The following DNAH10 variants were observed in gnomAD, a reference collection of about 807,000 sequenced individuals.
The protein encoded by DNAH10 is axonemal beta dynein heavy chain 10.
A neutral mutation model predicts 506.6 loss-of-function variants in DNAH10; 348 were observed. The observed-to-expected ratio is 0.69, with a 90% CI of 0.63 to 0.75. The LOEUF is 0.75. Ranked by LOEUF, DNAH10 falls within the 30% of genes least tolerant of loss-of-function variation. The pLI is 0.00. For missense variants in DNAH10, 5,179 were observed against 5,787.1 expected (o/e 0.89, Z 3.41); for synonymous variants, 2,059 against 2,198.6 (o/e 0.94, Z 1.78).
intron 28 of DNAH10, among the ~76,000 whole-genome samples, chr12:123,836,682 A>G (rs1046757235): frequency 2.0e-5 from 3 of 152,194 alleles, no homozygotes; most frequent in African/African-American, 7.2e-5. Flanking sequence ...TAACTGTTTC[A>G]TATAATTGTT....
chr12:123,771,781 C>T, intron 3 of DNAH10, 83 bp downstream of exon 3: 2 of 1,124,248 alleles, frequency 1.8e-6, no homozygotes, highest in Non-Finnish European at 2.6e-6. Flanking sequence ...GACATAGCCC[C>T]ATCCAAGGGA....
chr12:123,846,177 T>G lies in DNAH10; in HGVS notation c.5814+23T>G. 18 of 1,602,262 alleles carry G rather than the reference T, an allele frequency of 1.1e-5. No individual in the cohort carries two copies. Among genetic ancestry groups the G allele is most frequent in the Non-Finnish European group, 1.5e-5 (18 of 1,173,352 alleles). ...CAGGTGACTGCCAGCCTGGCACTTG[T>G]GGTTACCACTTACCTTGGGGCGGGG... On this transcript the variant is annotated intron_variant, in intron 32 of 78. Coordinates refer to ENST00000673944, the MANE Select transcript of DNAH10 (RefSeq NM_001372106.1). This position sits in a 1 kb window ranked among gnomAD's most constrained non-coding sequence, Gnocchi z 4.5.
intron 24 of DNAH10, among the ~76,000 whole-genome samples, chr12:123,823,137 G>A (rs927040869): frequency 2.4e-4 from 37 of 152,232 alleles, no homozygotes; most frequent in African/African-American, 8.7e-4. Context: ...TGGGAGTGAG[G>A]CTCAGAACCA....
In DNAH10 at chr12:123,813,494, A is replaced by G. The variant is rs765708567; in HGVS notation, c.3475A>G (p.Ile1159Val). ...IAYEVMRHPL[I>V]KDEHCIRLQL... is the part of the protein sequence containing the mutation. ...TTATGAGGTTATGCGCCACCCTCTA[A>G]TTAAGGATGAGCATTGCATCAGACT... is the stretch of plus-strand genomic sequence containing the variant. The change falls in exon 20 of 79, where the codon ATT (isoleucine) becomes GTT (valine). Residue 1159 changes from isoleucine (I) to valine (V), a missense_variant. This residue lies in a region of DNAH10 where 4,844 missense variants were observed against 5,430.5 expected (regional missense o/e 0.89). Coordinates refer to ENST00000673944, the MANE Select transcript of DNAH10 (RefSeq NM_001372106.1). 1 of 1,614,230 alleles carries G rather than the reference A, an allele frequency of 6.2e-7. No individual in the cohort carries two copies. Among genetic ancestry groups the G allele is most frequent in the Non-Finnish European group, 8.5e-7 (1 of 1,180,046 alleles).
chr12:123,787,693 G>T lies in DNAH10; in HGVS notation c.1422-111G>T, dbSNP rs1372292520. On this transcript the variant is annotated intron_variant, in intron 9 of 78. Transcript: ENST00000673944. This position sits in a 1 kb window ranked among gnomAD's most constrained non-coding sequence, Gnocchi z 4.6. ...CTTTTCCGATGAGGCCGTGAAACCAGGGGGGGCGCCCGGGTCAGAGCTTCA... is the reference window on the plus strand; with the variant it reads ...CTTTTCCGATGAGGCCGTGAAACCATGGGGGGCGCCCGGGTCAGAGCTTCA... 5 of 1,323,232 alleles carry T rather than the reference G, an allele frequency of 3.8e-6. No individual in the cohort carries two copies. In the South Asian group the frequency reaches 6.5e-5, roughly 17 times the overall value. 82.0% of individuals were successfully genotyped at this position (1,323,232 alleles called of 1,614,324 possible).
rs869303760 is a variant in DNAH10 at position 123,926,237 on chromosome 12, TAAAAAAA to T, written c.11922-388_11922-382del. 2.8e-4 allele frequency among the ~76,000 whole-genome samples: 30 copies of T among 108,352 alleles called. No individual in the cohort carries two copies. The highest frequency in any genetic ancestry group is 6.8e-4 in the Admixed American group (7 of 10,264). 71.1% of individuals were successfully genotyped at this position (108,352 alleles called of 152,430 possible). The stretch of plus-strand genomic sequence containing the variant: ...CAGAGTGAGATTATATATTTCAATT[TAAAAAAA>T]AAAAAAAAAAAGAAAAAGAAAAAAC... On this transcript the variant is annotated intron_variant, in intron 68 of 78. Transcript: ENST00000673944. This position sits in a 1 kb window ranked among gnomAD's most constrained non-coding sequence, Gnocchi z 4.1.
At position 123,931,756 on chromosome 12, in the gene DNAH10, T is replaced by C; in HGVS notation, c.13037T>C (p.Leu4346Pro). The C allele has an allele frequency of 1.9e-6, 3 of 1,614,012 alleles. No homozygotes were observed. Among genetic ancestry groups the C allele is most frequent in the Non-Finnish European group, 2.5e-6 (3 of 1,179,892 alleles). Residue 4346 changes from leucine (L) to proline (P), a missense_variant, in exon 75 of 79, where the codon CTC (leucine) becomes CCC (proline). By Grantham distance (98) the Leu-to-Pro change is moderately conservative (BLOSUM62 -3). Transcript: ENST00000673944. ...DQVRKRLGTGLSPTSVVLLQE... is the reference protein window; with the variant it reads ...DQVRKRLGTGPSPTSVVLLQE... ...GTGAGGAAGCGCCTCGGAACAGGACTCTCCCCCACTTCGGTGGTGCTCCTG... is the reference window on the plus strand; with the variant it reads ...GTGAGGAAGCGCCTCGGAACAGGACCCTCCCCCACTTCGGTGGTGCTCCTG...
chr12:123,839,998 C>T (rs140718032), intron 29 of DNAH10, among the ~76,000 whole-genome samples: 58 of 152,256 alleles, frequency 3.8e-4, no homozygotes, highest in Non-Finnish European at 6.2e-4. Flanking sequence ...CTTTATCTAG[C>T]GTCAGCCTGG....
rs1954475697 is a variant in DNAH10, at chr12:123,916,317, T to C, written c.10723-140T>C. On this transcript the variant is annotated intron_variant, in intron 62 of 78. Coordinates refer to ENST00000673944, the MANE Select transcript of DNAH10 (RefSeq NM_001372106.1). This position sits in a 1 kb window ranked among gnomAD's most constrained non-coding sequence, Gnocchi z 4.6. Reference sequence around the variant, plus strand: ...CATGGTGTATATGCGTTATACCCCTTGCTTCTCTCTTCTTTTCACCTCTGG... The same window carrying C: ...CATGGTGTATATGCGTTATACCCCTCGCTTCTCTCTTCTTTTCACCTCTGG... The C allele has an allele frequency of 1.9e-6, 2 of 1,077,038 alleles. No homozygotes were observed. The highest frequency in any genetic ancestry group is 2.7e-6 in the Non-Finnish European group (2 of 748,244). 66.7% of individuals were successfully genotyped at this position (1,077,038 alleles called of 1,614,324 possible). A position where few individuals can be genotyped will look rare whatever the true frequency, so the allele number is the denominator to read the frequency against.
intron 51 of DNAH10, among the ~76,000 whole-genome samples, chr12:123,883,411 G>A (rs557720398): frequency 6.6e-6 from 1 of 152,296 alleles, no homozygotes; most frequent in African/African-American, 2.4e-5. Flanking sequence ...CCTGCAAGGG[G>A]CCTCTCGAAG....
Position 123,808,931 on chromosome 12 carries a change from G to A in DNAH10, c.3122G>A (p.Arg1041Gln), listed in dbSNP as rs547814454. 3.1e-6 allele frequency: 5 copies of A among 1,614,130 alleles called. No homozygotes were observed. Among genetic ancestry groups the A allele is most frequent in the East Asian group, 4.5e-5 (2 of 44,876 alleles). ...EIDKMCFHCVRNCVEITKHFV... is the reference protein window; with the variant it reads ...EIDKMCFHCVQNCVEITKHFV... ...GACAAGATGTGCTTCCATTGTGTCC[G>A]GAATTGCGTGGAGATCACCAAGGTG... is the stretch of plus-strand genomic sequence containing the variant. Residue 1041 changes from arginine to glutamine, a missense_variant, in exon 19 of 79, where the codon CGG becomes CAG. By Grantham distance (43) the Arg-to-Gln change is conservative. Coordinates refer to ENST00000673944, the MANE Select transcript of DNAH10 (RefSeq NM_001372106.1).
chr12:123,824,522 TA>T (rs1045233332), intron 24 of DNAH10, among the ~76,000 whole-genome samples: 1 of 152,088 alleles, frequency 6.6e-6, no homozygotes, highest in Non-Finnish European at 1.5e-5. Context: ...AACAAATGAT[TA>T]TGAATACATG....
chr12:123,824,585 G>A (rs938037495), intron 24 of DNAH10, among the ~76,000 whole-genome samples: 6 of 152,140 alleles, frequency 3.9e-5, no homozygotes, highest in Non-Finnish European at 5.9e-5. Flanking sequence ...ATCTCCTCAC[G>A]GTTCTGGAGG....
intron 38 of DNAH10, among the ~76,000 whole-genome samples, chr12:123,860,150 C>G (rs1303524103): frequency 6.6e-6 from 1 of 152,294 alleles, no homozygotes; most frequent in South Asian, 2.1e-4. Context: ...TCCAGAAAGA[C>G]CTCCGTGGAT....
intron 34 of DNAH10, among the ~76,000 whole-genome samples, chr12:123,849,770 C>T (rs906820612): frequency 6.6e-6 from 1 of 152,186 alleles, no homozygotes; most frequent in Non-Finnish European, 1.5e-5. Context: ...GAGCTGGTGG[C>T]CCTGTCATCT....
chr12:123,774,118 G>T, intron 4 of DNAH10, 31 bp from the exon 5 acceptor site: 1 of 1,452,324 alleles, frequency 6.9e-7, no homozygotes, highest in South Asian at 1.3e-5. Flanking sequence ...CTCTCCCACT[G>T]ACCTTACATT....
At position 123,859,388 on chromosome 12, in the gene DNAH10, AC is replaced by A. The variant is rs1951528652; in HGVS notation, c.6749+121del. ...TTTCCTGGGAGGGTAAATTTGTAAT[AC>A]ACACCCCTTTCGACTCAGCGTGTTT... On this transcript the variant is annotated intron_variant, in intron 38 of 78. Transcript: ENST00000673944. 9.4e-6 allele frequency: 7 copies of A among 742,490 alleles called. No individual in the cohort carries two copies. The South Asian group carries it at 1.6e-4, about 17-fold the overall frequency. The allele number at this position is 742,490 out of a possible 1,614,324, so 46.0% of individuals were successfully genotyped here. A position where few individuals can be genotyped will look rare whatever the true frequency, so the allele number is the denominator to read the frequency against.
In DNAH10 at chr12:123,821,031, C is replaced by T. The variant is rs1298518081; in HGVS notation, c.4179+273C>T. On this transcript the variant is annotated intron_variant, in intron 24 of 78. Transcript: ENST00000673944. ...TTGGGAGGCCAAGGCGGGTGCATCA[C>T]CTGCGGTCAGGAGTTCGAGGTCAGT... Among the ~76,000 whole-genome samples the T allele has an allele frequency of 7.9e-5, 12 of 152,142 alleles. No individual in the cohort carries two copies. The East Asian group carries it at 2.3e-3, about 29-fold the overall frequency.
chr12:123,921,712 T>G (rs1288391674), intron 65 of DNAH10, among the ~76,000 whole-genome samples: 2 of 126,780 alleles, frequency 1.6e-5, no homozygotes, highest in Admixed American at 1.6e-4. Context: ...TTTTTTTTTT[T>G]TTTTTTTTTT....
Sources: allele counts gnomAD v4.1 joint callset (sites outside exome capture counted in the v4.1 genomes callset), GRCh38; gene constraint gnomAD v4.1.1; regional missense constraint gnomAD v4.1.1; non-coding constraint Gnocchi (gnomAD v3.1); transcripts MANE v1.5; gene names NCBI Gene and HGNC (gene_info 2026-07-23, HGNC 2026-07-21).